AK5: variants seen among roughly 807,000 people sequenced by gnomAD.
AK5 encodes adenylate kinase isoenzyme 5.
In AK5, 27 loss-of-function variants were observed where a neutral mutation model predicts 69.5. That is an observed-to-expected ratio of 0.39 (90% CI 0.29 to 0.54). AK5 has a LOEUF of 0.54. Among genes scored for constraint, AK5 ranks in the 20% least tolerant of loss-of-function variants. AK5 has a pLI of 0.71. For synonymous variants in AK5, 260 were observed against 244.4 expected, an observed-to-expected ratio of 1.06 and a Z score of -0.60; for missense variants, 531 against 700.4, an observed-to-expected ratio of 0.76 and a Z score of 2.73.
chr1:77,376,445 AAAAAAC>A (rs540444990), intron 6 of AK5, among the ~76,000 whole-genome samples: 12,718 of 103,224 alleles, frequency 0.12, 1,171 homozygotes, highest in East Asian at 0.25. Context: ...AAAAAAAAAA[AAAAAAC>A]AAAAAAAAAA....
intron 12 of AK5, among the ~76,000 whole-genome samples, chr1:77,527,422 C>T (rs925083131): frequency 5.9e-5 from 9 of 152,134 alleles, no homozygotes; most frequent in Non-Finnish European, 1.0e-4. Context: ...CTGTGGTCCC[C>T]GTTCAGACCG....
intron 13 of AK5, among the ~76,000 whole-genome samples, chr1:77,540,328 A>G (rs1287064572): frequency 6.6e-6 from 1 of 152,242 alleles, no homozygotes; most frequent in East Asian, 1.9e-4. Flanking sequence ...CTCATAAAGC[A>G]GAGGTTTGCC....
chr1:77,291,917 T>C (rs1658709401), intron 2 of AK5, among the ~76,000 whole-genome samples: 1 of 152,204 alleles, frequency 6.6e-6, no homozygotes, highest in Admixed American at 6.5e-5. Flanking sequence ...CAAAGTCCTC[T>C]TGCAGGAGGT....
chr1:77,463,451 C>G (rs567224867), intron 8 of AK5, among the ~76,000 whole-genome samples: 18 of 152,216 alleles, frequency 1.2e-4, no homozygotes, highest in African/African-American at 4.1e-4. Context: ...TTACCTAGTC[C>G]TTGCTTTCAA....
intron 10 of AK5, among the ~76,000 whole-genome samples, chr1:77,492,728 T>C (rs775874979): frequency 1.3e-5 from 2 of 152,180 alleles, no homozygotes; most frequent in Non-Finnish European, 2.9e-5. Context: ...TGCCCAGTAG[T>C]GCAAGGGATA....
chr1:77,409,113 A>G (rs909288924), intron 6 of AK5, among the ~76,000 whole-genome samples: 5 of 152,198 alleles, frequency 3.3e-5, no homozygotes, highest in South Asian at 2.1e-4. Flanking sequence ...TTATGGCTGC[A>G]TAGTATTCCA....
intron 1 of AK5, among the ~76,000 whole-genome samples, chr1:77,285,069 A>C (rs1658273727): frequency 6.6e-6 from 1 of 152,196 alleles, no homozygotes; most frequent in Non-Finnish European, 1.5e-5. Context: ...GAAACATTGA[A>C]TTGAAATCCT....
intron 2 of AK5, among the ~76,000 whole-genome samples, chr1:77,289,828 A>C (rs924391215): frequency 6.9e-5 from 9 of 130,876 alleles, no homozygotes; most frequent in African/African-American, 2.0e-4. Context: ...CCGCCAGTGC[A>C]CTCCAGCCTG....
chr1:77,370,591 T>C (rs1237792946), intron 6 of AK5, among the ~76,000 whole-genome samples: 2 of 152,166 alleles, frequency 1.3e-5, no homozygotes, highest in Non-Finnish European at 2.9e-5. Context: ...TGGATCAGGA[T>C]TCTCAAAGGG....
intron 5 of AK5, among the ~76,000 whole-genome samples, chr1:77,304,334 GTATGACAGGATCTCATTCTTTTT>G (rs1659512037): frequency 6.6e-6 from 1 of 151,372 alleles, no homozygotes; most frequent in African/African-American, 2.4e-5. Context: ...ATGTTGTTGC[GTATGACAGGATCTCATTCTTTTT>G]TATGGCCAAA....
chr1:77,411,694 T>G (rs984243511), intron 7 of AK5, among the ~76,000 whole-genome samples: 1 of 152,200 alleles, frequency 6.6e-6, no homozygotes, highest in African/African-American at 2.4e-5. Flanking sequence ...TGGATGACTC[T>G]CCAATCTTAG....
chr1:77,514,343 C>A (rs996073980), intron 10 of AK5, among the ~76,000 whole-genome samples: 20 of 152,282 alleles, frequency 1.3e-4, no homozygotes, highest in African/African-American at 3.8e-4. Flanking sequence ...GAGGACACAG[C>A]CCACTCATTC....
chr1:77,397,893 C>T (rs1024486282), intron 6 of AK5, among the ~76,000 whole-genome samples: 9 of 152,144 alleles, frequency 5.9e-5, no homozygotes, highest in African/African-American at 1.4e-4. Context: ...CGGAACAAGA[C>T]GGTCTCTAAA....
intron 12 of AK5, among the ~76,000 whole-genome samples, chr1:77,527,875 C>T (rs1236048210): frequency 6.6e-6 from 1 of 152,232 alleles, no homozygotes; most frequent in Non-Finnish European, 1.5e-5. Flanking sequence ...GCCAGACTAA[C>T]ATGGCGAAAC....
chr1:77,321,290 G>C (rs929421338), intron 5 of AK5, among the ~76,000 whole-genome samples: 1 of 152,050 alleles, frequency 6.6e-6, no homozygotes, highest in African/African-American at 2.4e-5. Context: ...TGGCCAACAC[G>C]GTGAAACCCC....
intron 1 of AK5, among the ~76,000 whole-genome samples, chr1:77,285,442 A>G (rs1355577071): frequency 6.6e-6 from 1 of 152,218 alleles, no homozygotes; most frequent in Non-Finnish European, 1.5e-5. Flanking sequence ...ACCTAGTGAG[A>G]ATTGCCTACC....
chr1:77,543,456 T>C, intron 13 of AK5, among the ~76,000 whole-genome samples: 1 of 89,802 alleles, frequency 1.1e-5, no homozygotes, highest in South Asian at 3.1e-4. Context: ...CACACACAAA[T>C]GACAGTTTGA....
chr1:77,376,433 C>CAAAAAAAAAAAAAAAAA (rs757594684), intron 6 of AK5, among the ~76,000 whole-genome samples: 2 of 13,440 alleles, frequency 1.5e-4, no homozygotes, highest in African/African-American at 2.5e-4. Flanking sequence ...CACTCAATGC[C>CAAAAAAAAAAAAAAAAA]AAAAAAAAAA....
Position 77,361,097 on chromosome 1 carries a change from C to G in AK5, c.891+20529C>G, listed in dbSNP as rs963260494. ...GTTTTCCCATCCAAGCTTTGCTGCT[C>G]ACTTGAGATGCTCTGGCTCTTCTAT... On this transcript the variant is annotated intron_variant, in intron 6 of 13. Coordinates refer to ENST00000354567, the MANE Select transcript of AK5 (RefSeq NM_174858.3). Among the ~76,000 whole-genome samples, 48 of 152,320 alleles carry G rather than the reference C, an allele frequency of 3.2e-4. 1 individual carries two copies. Among genetic ancestry groups the G allele is most frequent in the African/African-American group, 1.2e-3 (48 of 41,578 alleles).
Sources: gnomAD v4.1 joint callset for allele counts (sites outside exome capture counted in the v4.1 genomes callset) on GRCh38, gnomAD v4.1.1 for gene constraint, MANE v1.5 for transcripts, NCBI Gene and HGNC (gene_info 2026-07-23, HGNC 2026-07-21) for gene names.